IMMP2L: variants seen among roughly 807,000 people sequenced by gnomAD.
IMMP2L encodes inner mitochondrial membrane peptidase subunit 2.
IMMP2L carries 18 observed loss-of-function variants against 19.3 expected under a neutral mutation model. The observed-to-expected ratio is 0.93, with a 90% CI of 0.64 to 1.38. IMMP2L has a LOEUF of 1.38. Ranked by LOEUF, IMMP2L falls within the 40% of genes most tolerant of loss-of-function variation. The pLI is 0.00. For synonymous variants in IMMP2L, 76 were observed against 73.0 expected (o/e 1.04, Z -0.21); for missense variants, 233 against 218.2 (o/e 1.07, Z -0.43).
chr7:111,059,752 G>C (rs901754442), intron 3 of IMMP2L, among the ~76,000 whole-genome samples: 1 of 152,106 alleles, frequency 6.6e-6, no homozygotes, highest in Non-Finnish European at 1.5e-5. Context: ...TTCTCCCCAA[G>C]GGTAAACTTA....
chr7:110,680,218 A>G (rs905273181), intron 5 of IMMP2L, among the ~76,000 whole-genome samples: 1 of 152,160 alleles, frequency 6.6e-6, no homozygotes, highest in East Asian at 1.9e-4. Context: ...CGCCCTTAAC[A>G]TTATCTTTGT....
rs2095826322 is a variant in IMMP2L at position 111,284,265 on chromosome 7, G to GT, written c.239+202972dup. ...AACTGTTCTTTTGTTTGCAAATTCA[G>GT]TTAGCCTTGCTGACTATTCAATATA... On this transcript the variant is annotated intron_variant, in intron 3 of 5. Coordinates refer to ENST00000405709, the MANE Select transcript of IMMP2L (RefSeq NM_032549.4). Among the ~76,000 whole-genome samples, 3 of 152,074 alleles carry GT rather than the reference G, an allele frequency of 2.0e-5. No homozygotes were observed. The South Asian group carries it at 6.2e-4, about 32-fold the overall frequency.
intron 3 of IMMP2L, among the ~76,000 whole-genome samples, chr7:111,257,682 T>C (rs1432055297): frequency 6.6e-6 from 1 of 152,184 alleles, no homozygotes; most frequent in African/African-American, 2.4e-5. Flanking sequence ...TAAAAACTCA[T>C]TATAAGCTTA....
chr7:111,403,014 G>A (rs1833596680), intron 3 of IMMP2L, among the ~76,000 whole-genome samples: 1 of 38,646 alleles, frequency 2.6e-5, no homozygotes, highest in African/African-American at 1.2e-4. Flanking sequence ...ACCCCGCCAG[G>A]CTCAGGTGAT....
chr7:111,173,701 A>G (rs1037103489), intron 3 of IMMP2L, among the ~76,000 whole-genome samples: 5 of 151,670 alleles, frequency 3.3e-5, no homozygotes, highest in Non-Finnish European at 5.9e-5. Context: ...CAGCAGATAT[A>G]ATCTTCCTCC....
intron 3 of IMMP2L, among the ~76,000 whole-genome samples, chr7:111,107,676 C>G (rs542726274): frequency 6.6e-6 from 1 of 152,084 alleles, no homozygotes; most frequent in East Asian, 1.9e-4. Flanking sequence ...ACAATAGATG[C>G]GTTTCATGCT....
chr7:111,473,804 C>G (rs548835808), intron 3 of IMMP2L, among the ~76,000 whole-genome samples: 1 of 152,222 alleles, frequency 6.6e-6, no homozygotes, highest in East Asian at 1.9e-4. Context: ...TTTGACCCAC[C>G]AAACCCATTA....
chr7:111,105,220 C>T (rs946862528), intron 3 of IMMP2L, among the ~76,000 whole-genome samples: 5 of 151,830 alleles, frequency 3.3e-5, no homozygotes, highest in African/African-American at 7.2e-5. Flanking sequence ...ATAAAGAATT[C>T]TTATGTCAAT....
intron 5 of IMMP2L, among the ~76,000 whole-genome samples, chr7:110,879,791 TTC>T (rs1189592026): frequency 6.6e-6 from 1 of 152,190 alleles, no homozygotes; most frequent in Non-Finnish European, 1.5e-5. Flanking sequence ...CATCTTTTAT[TTC>T]TCTTTCTTGA....
Position 111,437,485 on chromosome 7 carries a change from T to A in IMMP2L, c.239+49753A>T, listed in dbSNP as rs1021558630. On this transcript the variant is annotated intron_variant, in intron 3 of 5. Coordinates refer to ENST00000405709, the MANE Select transcript of IMMP2L (RefSeq NM_032549.4). ...TAATGCATCCCACTGCTATCACAGT[T>A]TTTAAAAACCCAAAGTGAAAACAAA... Among the ~76,000 whole-genome samples the A allele has an allele frequency of 4.6e-5, 7 of 151,988 alleles. No individual in the cohort carries two copies. The East Asian group carries it at 1.2e-3, about 25-fold the overall frequency.
intron 3 of IMMP2L, among the ~76,000 whole-genome samples, chr7:111,195,715 A>C (rs1424814061): frequency 6.6e-6 from 1 of 152,080 alleles, no homozygotes; most frequent in Non-Finnish European, 1.5e-5. Flanking sequence ...CGATTCTAAA[A>C]TCCATGTGTT....
At chr7:111,136,668 AC>A (rs1802376689) in intron 3 of IMMP2L, among the ~76,000 whole-genome samples, 2 of 152,324 alleles carry the variant, frequency 1.3e-5, no homozygotes, top group Middle Eastern at 3.4e-3. Context: ...AGTAGTATTA[AC>A]CAAATTCCTG....
At chr7:111,029,837 G>A (rs1432622937) in intron 3 of IMMP2L, among the ~76,000 whole-genome samples, 2 of 152,102 alleles carry the variant, frequency 1.3e-5, no homozygotes, top group Non-Finnish European at 2.9e-5. Flanking sequence ...TGATTTTTAA[G>A]AAAATTATTG....
In IMMP2L at chr7:111,529,563, G is replaced by A. The variant is rs991098769; in HGVS notation, c.-2-8114C>T. 3.3e-5 allele frequency among the ~76,000 whole-genome samples: 5 copies of A among 151,904 alleles called. No individual in the cohort carries two copies. The South Asian group carries it at 1.0e-3, about 32-fold the overall frequency. Reference sequence around the variant, plus strand: ...GAAAATTCTCAGGAAAGACCAAAATGGCACATACACAAAAAAAGAAATAAG... The same window carrying A: ...GAAAATTCTCAGGAAAGACCAAAATAGCACATACACAAAAAAAGAAATAAG... On this transcript the variant is annotated intron_variant, in intron 1 of 5. Transcript: ENST00000405709.
chr7:110,680,745 T>C (rs969731299), intron 5 of IMMP2L, among the ~76,000 whole-genome samples: 1 of 152,134 alleles, frequency 6.6e-6, no homozygotes, highest in Non-Finnish European at 1.5e-5. Context: ...ATTCCTTTTC[T>C]CCACTCCCAG....
chr7:110,956,606 T>A (rs1563110405), intron 4 of IMMP2L, among the ~76,000 whole-genome samples: 5 of 151,986 alleles, frequency 3.3e-5, no homozygotes, highest in Admixed American at 6.6e-5. Flanking sequence ...AGTAAATTCA[T>A]CTTTTTTCAC....
intron 3 of IMMP2L, among the ~76,000 whole-genome samples, chr7:111,386,018 C>T (rs1831713233): frequency 6.6e-6 from 1 of 151,698 alleles, no homozygotes; most frequent in African/African-American, 2.4e-5. Context: ...GTAGCTAGGA[C>T]TACAACCACA....
At chr7:110,777,291 A>C (rs1193775841) in intron 5 of IMMP2L, among the ~76,000 whole-genome samples, 4 of 151,912 alleles carry the variant, frequency 2.6e-5, no homozygotes, top group Non-Finnish European at 4.4e-5. Context: ...TAACTTCATA[A>C]ATATGTGAAC....
At chr7:111,400,501 A>T (rs1833318363) in intron 3 of IMMP2L, among the ~76,000 whole-genome samples, 2 of 151,880 alleles carry the variant, frequency 1.3e-5, no homozygotes, top group Non-Finnish European at 2.9e-5. Context: ...CACCAGTCTG[A>T]CCCTTCCAGA....
Sources: gnomAD v4.1 joint callset for allele counts (sites outside exome capture counted in the v4.1 genomes callset) on GRCh38, gnomAD v4.1.1 for gene constraint, MANE v1.5 for transcripts, NCBI Gene and HGNC (gene_info 2026-07-23, HGNC 2026-07-21) for gene names.